Variants in DOCK2 observed in about 807,000 individuals in gnomAD.
DOCK2 encodes dedicator of cytokinesis protein 2.
DOCK2 carries 87 observed loss-of-function variants against 248.9 expected under a neutral mutation model. The observed-to-expected ratio is 0.35, with a 90% CI of 0.29 to 0.42. The LOEUF (loss-of-function observed/expected upper bound fraction) is 0.42. Among genes scored for constraint, DOCK2 ranks in the 10% least tolerant of loss-of-function variants. DOCK2 has a pLI of 1.00. For missense variants in DOCK2, 1,747 were observed against 2,300.2 expected, an observed-to-expected ratio of 0.76 and a Z score of 4.92; for synonymous variants, 805 against 821.6, an observed-to-expected ratio of 0.98 and a Z score of 0.35.
intron 14 of DOCK2, 160 bp downstream of exon 14, chr5:169,702,587 A>G (rs1012475525): frequency 2.0e-6 from 2 of 992,266 alleles, no homozygotes; most frequent in Non-Finnish European, 2.8e-6. Context: ...TGGTTAGTGC[A>G]GTGTTCCATA....
chr5:170,000,612 A>T (rs1462745771), intron 30 of DOCK2: 1 of 152,254 alleles, frequency 6.6e-6, no homozygotes, highest in Non-Finnish European at 1.5e-5. Context: ...TGGCTGGAAG[A>T]TGAGACTCTC....
intron 1 of DOCK2, among the ~76,000 whole-genome samples, chr5:169,648,680 C>G (rs2113138223): frequency 6.6e-6 from 1 of 152,296 alleles, no homozygotes; most frequent in African/African-American, 2.4e-5. Context: ...TGCACTACCT[C>G]AGTTTCCTCA....
At chr5:169,726,885 C>A (rs1399464101) in intron 22 of DOCK2, among the ~76,000 whole-genome samples, 1 of 152,046 alleles carries the variant, frequency 6.6e-6, no homozygotes, top group African/African-American at 2.4e-5. Context: ...AGTAATTCTT[C>A]TCAGAGGAGG....
chr5:169,763,035 T>A lies in DOCK2; in HGVS notation c.2554+1410T>A, dbSNP rs1024246181. On this transcript the variant is annotated intron_variant, in intron 25 of 51. Coordinates refer to ENST00000520908, the MANE Select transcript of DOCK2 (RefSeq NM_004946.3). This position sits in a 1 kb window ranked among gnomAD's most constrained non-coding sequence, Gnocchi z 4.1. ...GAGGATGTGGGGATGAAAATGTTCT[T>A]GTGATTTTAATATTTATGTGTGTGG... is the stretch of plus-strand genomic sequence containing the variant. 1.3e-4 allele frequency among the ~76,000 whole-genome samples: 20 copies of A among 152,196 alleles called. No homozygotes were observed. The highest frequency in any genetic ancestry group is 4.8e-4 in the African/African-American group (20 of 41,448).
At chr5:169,730,094 C>T (rs1313064173) in intron 22 of DOCK2, among the ~76,000 whole-genome samples, 2 of 152,034 alleles carry the variant, frequency 1.3e-5, no homozygotes, top group Non-Finnish European at 2.9e-5. Flanking sequence ...GTAGCTGGGA[C>T]TACAGGCATG....
chr5:169,957,268 C>T (rs766658119), intron 27 of DOCK2, among the ~76,000 whole-genome samples: 3 of 152,232 alleles, frequency 2.0e-5, no homozygotes, highest in Non-Finnish European at 4.4e-5. Context: ...TAGCCAGGGA[C>T]TTAACTGCTC....
intron 27 of DOCK2, among the ~76,000 whole-genome samples, chr5:169,848,240 A>G (rs1263225156): frequency 6.6e-6 from 1 of 152,216 alleles, no homozygotes; most frequent in Non-Finnish European, 1.5e-5. Context: ...CAGGTAGGCA[A>G]TATTGCTATC....
intron 47 of DOCK2, among the ~76,000 whole-genome samples, chr5:170,077,282 T>C (rs958199229): frequency 6.6e-6 from 1 of 152,154 alleles, no homozygotes; most frequent in Non-Finnish European, 1.5e-5. Context: ...GATTGAACCA[T>C]TGGCCATGTG....
chr5:169,817,496 G>T (rs1296252937), intron 26 of DOCK2, among the ~76,000 whole-genome samples: 1 of 152,156 alleles, frequency 6.6e-6, no homozygotes, highest in African/African-American at 2.4e-5. Flanking sequence ...GGCCTCAGTG[G>T]TCTATTCATT....
At chr5:170,058,723 C>T (rs765945948) in intron 44 of DOCK2, among the ~76,000 whole-genome samples, 9 of 152,170 alleles carry the variant, frequency 5.9e-5, no homozygotes, top group Non-Finnish European at 1.2e-4. Context: ...TTGACTTTCC[C>T]ACTGAGTGAC....
intron 41 of DOCK2, among the ~76,000 whole-genome samples, chr5:170,053,189 T>C (rs747776666): frequency 2.6e-5 from 4 of 152,200 alleles, no homozygotes; most frequent in Non-Finnish European, 5.9e-5. Flanking sequence ...GTCACGGGCT[T>C]CCCTAGGACA....
At chr5:169,735,942 G>C (rs548907448) in intron 22 of DOCK2, among the ~76,000 whole-genome samples, 1 of 151,544 alleles carries the variant, frequency 6.6e-6, no homozygotes, top group Non-Finnish European at 1.5e-5. Flanking sequence ...GGCAGAGCAG[G>C]GGGGAGAGGG....
chr5:170,014,342 A>C (rs142158769), intron 32 of DOCK2, among the ~76,000 whole-genome samples: 10 of 152,342 alleles, frequency 6.6e-5, no homozygotes, highest in Admixed American at 3.3e-4. Context: ...CAAGCCTTCT[A>C]ATTATAAATG....
At chr5:169,780,485 C>T (rs1359447969) in intron 25 of DOCK2, among the ~76,000 whole-genome samples, 1 of 152,174 alleles carries the variant, frequency 6.6e-6, no homozygotes, top group Admixed American at 6.5e-5. Flanking sequence ...GGTTTCCTCC[C>T]TGTTCGTATT....
intron 26 of DOCK2, among the ~76,000 whole-genome samples, chr5:169,823,963 C>T (rs1348108685): frequency 6.6e-6 from 1 of 152,184 alleles, no homozygotes; most frequent in Non-Finnish European, 1.5e-5. Flanking sequence ...CACAAGCATT[C>T]TTATACTCCA....
chr5:169,728,486 A>T (rs1213190183), intron 22 of DOCK2, among the ~76,000 whole-genome samples: 2 of 152,122 alleles, frequency 1.3e-5, no homozygotes, highest in Non-Finnish European at 2.9e-5. Flanking sequence ...GGCAGAAAGG[A>T]TTGTCATTCC....
intron 27 of DOCK2, among the ~76,000 whole-genome samples, chr5:169,939,164 A>T (rs1776126533): frequency 6.6e-6 from 1 of 151,444 alleles, no homozygotes; most frequent in Admixed American, 6.6e-5. Context: ...TCAGCCTCCC[A>T]AAGTGCTGGG....
intron 25 of DOCK2, among the ~76,000 whole-genome samples, chr5:169,765,306 G>GT (rs1172871624): frequency 6.6e-6 from 1 of 152,178 alleles, no homozygotes; most frequent in Non-Finnish European, 1.5e-5. Context: ...AATTGCAGGA[G>GT]TAAGGAGTCA....
chr5:169,702,515 T>C, intron 14 of DOCK2, 88 bp downstream of exon 14: 1 of 1,567,316 alleles, frequency 6.4e-7, no homozygotes, highest in Non-Finnish European at 8.7e-7. Flanking sequence ...CCTGATTCTG[T>C]TGTCTAAATG....
Sources: gnomAD v4.1 joint callset for allele counts (sites outside exome capture counted in the v4.1 genomes callset) on GRCh38, gnomAD v4.1.1 for gene constraint, Gnocchi (gnomAD v3.1) non-coding constraint, MANE v1.5 for transcripts, NCBI Gene and HGNC (gene_info 2026-07-23, HGNC 2026-07-21) for gene names.